The following DCDC1 variants were observed in gnomAD, a reference collection of about 807,000 sequenced individuals.
The protein encoded by DCDC1 is doublecortin domain containing 1.
In DCDC1, 200 loss-of-function variants were observed where a neutral mutation model predicts 178.3. The ratio of observed to expected loss-of-function variants is 1.12; its 90% CI spans 1.00 to 1.26. The LOEUF is 1.26. DCDC1 is among the 50% of genes most tolerant of loss of function. The pLI, the probability that DCDC1 is intolerant of heterozygous loss-of-function variation, is 0.00. For missense variants in DCDC1, 1,983 were observed against 1,749.2 expected (o/e 1.13, Z -2.38); for synonymous variants, 690 against 604.8 (o/e 1.14, Z -2.07).
At chr11:31,084,429 T>C (rs989224985) in intron 17 of DCDC1, among the ~76,000 whole-genome samples, 1 of 152,190 alleles carries the variant, frequency 6.6e-6, no homozygotes, top group African/African-American at 2.4e-5. Flanking sequence ...CTGGAAAAGA[T>C]AAATGTGTTT....
chr11:31,094,255 A>C (rs1958000151), intron 15 of DCDC1, 71 bp from the exon 16 acceptor site: 7 of 728,366 alleles, frequency 9.6e-6, no homozygotes, highest in Non-Finnish European at 1.8e-5. Flanking sequence ...ACACTTACCC[A>C]AAATAAGTTA....
At chr11:30,995,932 A>T (rs1281559526) in intron 20 of DCDC1, among the ~76,000 whole-genome samples, 4 of 152,186 alleles carry the variant, frequency 2.6e-5, no homozygotes, top group Non-Finnish European at 5.9e-5. Context: ...AGACGTTATC[A>T]AAATTAAAAA....
chr11:31,270,746 CA>C (rs1288636104), intron 7 of DCDC1, among the ~76,000 whole-genome samples: 1 of 152,158 alleles, frequency 6.6e-6, no homozygotes, highest in African/African-American at 2.4e-5. Flanking sequence ...TGAACAAAAA[CA>C]AACAAGCGCT....
At chr11:31,036,632 T>C (rs549378216) in intron 20 of DCDC1, among the ~76,000 whole-genome samples, 245 of 152,294 alleles carry the variant, frequency 1.6e-3, no homozygotes, top group Non-Finnish European at 2.8e-3. Flanking sequence ...TCCCTTGGTA[T>C]TCATGGTGGA....
intron 9 of DCDC1, among the ~76,000 whole-genome samples, chr11:31,158,409 G>A (rs577284045): frequency 5.9e-5 from 9 of 152,108 alleles, no homozygotes; most frequent in East Asian, 3.9e-4. Context: ...GAGCCACCGC[G>A]CCTGGCCAAG....
At chr11:31,045,828 T>A (rs1954806292) in intron 20 of DCDC1, among the ~76,000 whole-genome samples, 1 of 152,190 alleles carries the variant, frequency 6.6e-6, no homozygotes, top group African/African-American at 2.4e-5. Context: ...TTTCTTTTTT[T>A]AAACTTTTTA....
At chr11:31,003,202 T>C (rs1399091730) in intron 20 of DCDC1, among the ~76,000 whole-genome samples, 2 of 152,072 alleles carry the variant, frequency 1.3e-5, no homozygotes, top group Non-Finnish European at 1.5e-5. Context: ...AATTGAATAA[T>C]AAAAATCATT....
At chr11:31,192,801 C>G (rs568117974) in intron 9 of DCDC1, among the ~76,000 whole-genome samples, 6 of 152,130 alleles carry the variant, frequency 3.9e-5, no homozygotes, top group African/African-American at 1.4e-4. Flanking sequence ...AACATTATTT[C>G]CGGTTTTGTC....
rs547364017 is a variant in DCDC1, at chr11:31,207,816, T to C, written c.1221+33634A>G. On this transcript the variant is annotated intron_variant, in intron 9 of 38. Transcript: ENST00000684477. ...ACTTACTCAAATCAGATTTTCATCC[T>C]CACCACACCGTCCAAAGTGTTCTTG... 1.9e-3 allele frequency among the ~76,000 whole-genome samples: 283 copies of C among 152,306 alleles called. 1 individual carries two copies. Among genetic ancestry groups the C allele is most frequent in the Non-Finnish European group, 3.1e-3 (209 of 68,038 alleles).
intron 8 of DCDC1, among the ~76,000 whole-genome samples, chr11:31,249,576 G>C (rs1943823978): frequency 6.6e-6 from 1 of 152,132 alleles, no homozygotes; most frequent in Non-Finnish European, 1.5e-5. Flanking sequence ...AAGTCAAAGA[G>C]ACTGCAAGTC....
chr11:31,253,621 T>A (rs1944218451), intron 8 of DCDC1, among the ~76,000 whole-genome samples: 1 of 152,112 alleles, frequency 6.6e-6, no homozygotes, highest in Admixed American at 6.5e-5. Flanking sequence ...AGGATTTAAA[T>A]AATATTTTAA....
intron 15 of DCDC1, 90 bp downstream of exon 15, chr11:31,102,087 A>T (rs1958545069): frequency 5.9e-6 from 3 of 510,118 alleles, no homozygotes; most frequent in Admixed American, 6.2e-5. Flanking sequence ...AGAAAAAAAA[A>T]AAAAAAACTG....
chr11:30,956,377 G>T (rs1314847593), intron 20 of DCDC1, among the ~76,000 whole-genome samples: 3 of 152,024 alleles, frequency 2.0e-5, no homozygotes, highest in Non-Finnish European at 4.4e-5. Context: ...TAGAAATTCA[G>T]CTCCCTCCAA....
chr11:30,906,488 G>C, intron 30 of DCDC1, 52 bp downstream of exon 30: 1 of 1,544,234 alleles, frequency 6.5e-7, no homozygotes, highest in Non-Finnish European at 8.8e-7. Flanking sequence ...ATGCATCAAA[G>C]TTTCCAAATT....
chr11:30,979,862 T>C (rs1950298033), intron 20 of DCDC1, among the ~76,000 whole-genome samples: 1 of 152,236 alleles, frequency 6.6e-6, no homozygotes, highest in Non-Finnish European at 1.5e-5. Context: ...GGATGTGAGA[T>C]GATCTTCTCT....
rs1946723503 is a variant in DCDC1, at chr11:31,285,116, ATTAC to A, written c.960+5527_960+5530del. Among the ~76,000 whole-genome samples, 4 of 152,078 alleles carry A rather than the reference ATTAC, an allele frequency of 2.6e-5. No individual in the cohort carries two copies. In the South Asian group the frequency reaches 8.3e-4, roughly 32 times the overall value. On this transcript the variant is annotated intron_variant, in intron 7 of 38. Transcript: ENST00000684477. ...TTTAAAAAAATTCTGACTATAAATAATTACTTATAATATTCTAAAATAACTCAAT... is the reference window on the plus strand; with the variant it reads ...TTTAAAAAAATTCTGACTATAAATAATTATAATATTCTAAAATAACTCAAT...
intron 20 of DCDC1, among the ~76,000 whole-genome samples, chr11:30,965,104 G>A (rs1949349485): frequency 6.6e-6 from 1 of 152,186 alleles, no homozygotes; most frequent in African/African-American, 2.4e-5. Context: ...CAAACCTGCT[G>A]CCATTCTTCA....
chr11:31,204,633 G>A (rs961252711), intron 9 of DCDC1, among the ~76,000 whole-genome samples: 1 of 152,112 alleles, frequency 6.6e-6, no homozygotes, highest in Non-Finnish European at 1.5e-5. Context: ...GACCAGCCTG[G>A]CCAACATGGT....
chr11:31,021,699 T>A (rs945027568), intron 20 of DCDC1, among the ~76,000 whole-genome samples: 2 of 152,142 alleles, frequency 1.3e-5, no homozygotes, highest in Non-Finnish European at 2.9e-5. Context: ...TTGAACCATG[T>A]AAATAAACTA....
Sources: gnomAD v4.1 joint callset for allele counts (sites outside exome capture counted in the v4.1 genomes callset) on GRCh38, gnomAD v4.1.1 for gene constraint, MANE v1.5 for transcripts, NCBI Gene and HGNC (gene_info 2026-07-23, HGNC 2026-07-21) for gene names.